GATB: variants seen among roughly 807,000 people sequenced by gnomAD.
The protein encoded by GATB is glutamyl-tRNA(Gln) amidotransferase subunit B, mitochondrial.
In GATB, 39 loss-of-function variants were observed where a neutral mutation model predicts 62.3. The ratio of observed to expected loss-of-function variants is 0.63; its 90% CI spans 0.48 to 0.82. The LOEUF (loss-of-function observed/expected upper bound fraction) is 0.82. Ranked by LOEUF, GATB falls within the 40% of genes least tolerant of loss-of-function variation. The pLI, the probability that GATB is intolerant of heterozygous loss-of-function variation, is 0.00. For synonymous variants in GATB, 276 were observed against 258.9 expected, an observed-to-expected ratio of 1.07 and a Z score of -0.63; for missense variants, 670 against 684.0, an observed-to-expected ratio of 0.98 and a Z score of 0.23.
Position 151,730,082 on chromosome 4 carries a change from C to T in GATB, c.328-10544G>A, listed in dbSNP as rs1034093233. ...CCTGCCCTCTGCCTGGAAACAGACT[C>T]GGGGTGTGGTGGGAGTGAGACTGGC... On this transcript the variant is annotated intron_variant, in intron 2 of 12. Transcript: ENST00000263985. This position sits in a 1 kb window ranked among gnomAD's most constrained non-coding sequence, Gnocchi z 4.1. Among the ~76,000 whole-genome samples, 1 of 152,148 alleles carries T rather than the reference C, an allele frequency of 6.6e-6. No individual in the cohort carries two copies. The highest frequency in any genetic ancestry group is 2.4e-5 in the African/African-American group (1 of 41,458).
At chr4:151,703,951 TA>T in intron 7 of GATB, 56 bp from the exon 8 acceptor site, 2 of 1,279,540 alleles carry the variant, frequency 1.6e-6, no homozygotes, top group South Asian at 2.5e-5. Context: ...GGCCAGCCTA[TA>T]TGTGGGGAAG....
chr4:151,746,473 C>G (rs1407518403), intron 2 of GATB, among the ~76,000 whole-genome samples: 1 of 152,104 alleles, frequency 6.6e-6, no homozygotes, highest in Non-Finnish European at 1.5e-5. Flanking sequence ...GTCTATAGAT[C>G]TATAGGTGAA....
intron 2 of GATB, chr4:151,722,200 T>C (rs1284031573): frequency 1.4e-6 from 1 of 702,460 alleles, no homozygotes; most frequent in Non-Finnish European, 2.6e-6. Context: ...AAAATTCAAC[T>C]TGGGCTGTCT....
At chr4:151,716,803 GC>G in intron 4 of GATB, 72 bp downstream of exon 4, 2 of 1,369,906 alleles carry the variant, frequency 1.5e-6, no homozygotes, top group Non-Finnish European at 2.1e-6. Context: ...GAAAACTCTA[GC>G]GGTGAAAAGA....
chr4:151,720,590 T>C (rs960434182), intron 2 of GATB: 1 of 152,216 alleles, frequency 6.6e-6, no homozygotes, highest in African/African-American at 2.4e-5. Context: ...ATTATTGATA[T>C]AGATAGGGCC....
chr4:151,690,314 T>G (rs114164891), intron 9 of GATB, among the ~76,000 whole-genome samples: 1,928 of 152,366 alleles, frequency 0.013, 40 homozygotes, highest in African/African-American at 0.044. Flanking sequence ...ATCATCTCTT[T>G]AATCTCTTTT....
At chr4:151,695,394 C>G (rs1420461157) in intron 9 of GATB, among the ~76,000 whole-genome samples, 1 of 152,158 alleles carries the variant, frequency 6.6e-6, no homozygotes, top group African/African-American at 2.4e-5. Context: ...GATGTGGAAT[C>G]AAGGGTGTCT....
chr4:151,759,511 T>A (rs1279954642), intron 1 of GATB, among the ~76,000 whole-genome samples: 1 of 152,166 alleles, frequency 6.6e-6, no homozygotes, highest in Non-Finnish European at 1.5e-5. Context: ...TAAAAAAATT[T>A]TGCAAAACTC....
chr4:151,744,730 T>C (rs1021431258), intron 2 of GATB, among the ~76,000 whole-genome samples: 1 of 152,182 alleles, frequency 6.6e-6, no homozygotes, highest in African/African-American at 2.4e-5. Flanking sequence ...CACTGAAAGT[T>C]AGAAAAAGAT....
At chr4:151,693,231 T>C (rs1028243558) in intron 9 of GATB, among the ~76,000 whole-genome samples, 5 of 151,260 alleles carry the variant, frequency 3.3e-5, no homozygotes, top group African/African-American at 9.7e-5. Context: ...GGGATGGCAA[T>C]GAAGCAAAGA....
chr4:151,677,033 G>A (rs1374908251), intron 11 of GATB, among the ~76,000 whole-genome samples: 1 of 152,190 alleles, frequency 6.6e-6, no homozygotes, highest in African/African-American at 2.4e-5. Context: ...CTGTGTGTCT[G>A]TCATCCCTAG....
At chr4:151,750,966 T>A (rs914322574) in intron 2 of GATB, among the ~76,000 whole-genome samples, 4 of 152,028 alleles carry the variant, frequency 2.6e-5, no homozygotes, top group African/African-American at 9.7e-5. Flanking sequence ...AAATAAAATA[T>A]ACCCACTCCC....
intron 2 of GATB, among the ~76,000 whole-genome samples, chr4:151,747,246 T>C (rs1578939443): frequency 6.6e-6 from 1 of 152,260 alleles, no homozygotes; most frequent in South Asian, 2.1e-4. Flanking sequence ...CATGAGCCCA[T>C]GTGATAGGGA....
intron 2 of GATB, among the ~76,000 whole-genome samples, chr4:151,749,864 C>T (rs986569369): frequency 6.6e-6 from 1 of 151,936 alleles, no homozygotes; most frequent in Non-Finnish European, 1.5e-5. Flanking sequence ...TATCTTTATT[C>T]CTTTAAACCT....
At chr4:151,673,205 GCC>G (rs1737912097) in intron 11 of GATB, 1 of 216,630 alleles carries the variant, frequency 4.6e-6, no homozygotes, top group Admixed American at 5.2e-5. Context: ...CCAGCCAGAT[GCC>G]CTCGTGCCCA....
chr4:151,679,701 T>C (rs1486658949), intron 11 of GATB, 112 bp downstream of exon 11: 2 of 872,434 alleles, frequency 2.3e-6, no homozygotes, highest in Non-Finnish European at 3.9e-6. Context: ...ACACCACTAC[T>C]GGCATTTAAT....
intron 9 of GATB, among the ~76,000 whole-genome samples, chr4:151,700,029 A>C (rs946021887): frequency 7.2e-5 from 11 of 152,334 alleles, no homozygotes; most frequent in Middle Eastern, 3.4e-3. Context: ...TGTTTATTTC[A>C]AGTAGGTTGG....
At chr4:151,738,061 G>A (rs971770668) in intron 2 of GATB, among the ~76,000 whole-genome samples, 2 of 152,130 alleles carry the variant, frequency 1.3e-5, no homozygotes, top group Admixed American at 1.3e-4. Context: ...TGAGAGGAGG[G>A]CCACCTTCCT....
chr4:151,724,482 A>C (rs1486628892), intron 2 of GATB: 1 of 152,206 alleles, frequency 6.6e-6, no homozygotes, highest in Non-Finnish European at 1.5e-5. Flanking sequence ...TCCCAGTCCT[A>C]ACAGGATAAA....
Sources: allele counts gnomAD v4.1 joint callset (sites outside exome capture counted in the v4.1 genomes callset), GRCh38; gene constraint gnomAD v4.1.1; non-coding constraint Gnocchi (gnomAD v3.1); transcripts MANE v1.5; gene names NCBI Gene and HGNC (gene_info 2026-07-23, HGNC 2026-07-21).